MAN2A1: variants seen among roughly 807,000 people sequenced by gnomAD.
MAN2A1 encodes the protein mannosidase alpha class 2A member 1, also known as alpha-mannosidase 2.
Under a neutral mutation model 142.6 loss-of-function variants are expected in MAN2A1, and 76 were observed. The ratio of observed to expected loss-of-function variants is 0.53; its 90% CI spans 0.44 to 0.65. MAN2A1 has a LOEUF of 0.65. Among genes scored for constraint, MAN2A1 ranks in the 30% least tolerant of loss-of-function variants. The pLI is 0.00. For missense variants in MAN2A1, 1,311 were observed against 1,365.1 expected (o/e 0.96, Z 0.62); for synonymous variants, 559 against 473.2 (o/e 1.18, Z -2.35).
Position 109,757,333 on chromosome 5 carries a change from A to C in MAN2A1, c.835+1877A>C, listed in dbSNP as rs140809966. The stretch of plus-strand genomic sequence containing the variant: ...TTTTATTGAAGTGTAATTTACATGC[A>C]GTGGAATATATAAATCTTAAATGTA... On this transcript the variant is annotated intron_variant, in intron 5 of 21. Transcript: ENST00000261483. Among the ~76,000 whole-genome samples the C allele has an allele frequency of 1.1e-4, 16 of 152,302 alleles. 1 individual carries two copies. The highest frequency in any genetic ancestry group is 3.6e-4 in the African/African-American group (15 of 41,568).
intron 1 of MAN2A1, among the ~76,000 whole-genome samples, chr5:109,704,930 C>T (rs1751088643): frequency 6.6e-6 from 1 of 152,122 alleles, no homozygotes; most frequent in Admixed American, 6.6e-5. Context: ...TCTGGCCACT[C>T]AAGTTTATAT....
At chr5:109,740,789 C>G (rs958170440) in intron 4 of MAN2A1, among the ~76,000 whole-genome samples, 1 of 152,164 alleles carries the variant, frequency 6.6e-6, no homozygotes, top group African/African-American at 2.4e-5. Flanking sequence ...CAGGTCAGTA[C>G]TTGAATTATT....
chr5:109,796,338 T>G (rs1753861018), intron 12 of MAN2A1, among the ~76,000 whole-genome samples: 1 of 152,220 alleles, frequency 6.6e-6, no homozygotes, highest in Non-Finnish European at 1.5e-5. Flanking sequence ...GGTTCCATAG[T>G]CAAAGGATTT....
chr5:109,760,330 T>C (rs1223397659), intron 5 of MAN2A1, among the ~76,000 whole-genome samples: 1 of 152,234 alleles, frequency 6.6e-6, no homozygotes, highest in Non-Finnish European at 1.5e-5. Context: ...TTTTTATGGC[T>C]GCATAATATT....
chr5:109,725,787 C>G (rs766235526), intron 3 of MAN2A1, among the ~76,000 whole-genome samples: 19 of 152,140 alleles, frequency 1.2e-4, no homozygotes, highest in Non-Finnish European at 2.4e-4. Context: ...CAACCTATGG[C>G]TGAGAGCTCA....
rs145989678 is a variant in MAN2A1 at position 109,708,509 on chromosome 5, GAC to G, written c.136-4975_136-4974del. Among the ~76,000 whole-genome samples the G allele has an allele frequency of 1.5e-3, 181 of 124,452 alleles. 2 individuals are homozygous for G. Among genetic ancestry groups the G allele is most frequent in the South Asian group, 2.2e-3 (7 of 3,172 alleles). 81.6% of individuals were successfully genotyped at this position (124,452 alleles called of 152,430 possible). A position where few individuals can be genotyped will look rare whatever the true frequency, so the allele number is the denominator to read the frequency against. ...TTCTCCAGAAAGACAGAACTGATAG[GAC>G]ACACACACACACACACACACACACA... is the stretch of plus-strand genomic sequence containing the variant. On this transcript the variant is annotated intron_variant, in intron 1 of 21. Transcript: ENST00000261483.
At chr5:109,852,635 CAG>C (rs1755513189) in intron 19 of MAN2A1, among the ~76,000 whole-genome samples, 1 of 152,138 alleles carries the variant, frequency 6.6e-6, no homozygotes, top group African/African-American at 2.4e-5. Context: ...AGACAGGCTG[CAG>C]AGAGAAAGCT....
At chr5:109,747,709 T>C (rs1431370142) in intron 4 of MAN2A1, among the ~76,000 whole-genome samples, 1 of 152,184 alleles carries the variant, frequency 6.6e-6, no homozygotes, top group Non-Finnish European at 1.5e-5. Context: ...CAAATTGTTT[T>C]AGAACAAGCA....
intron 3 of MAN2A1, among the ~76,000 whole-genome samples, chr5:109,719,023 A>C (rs1751531751): frequency 6.8e-6 from 1 of 147,660 alleles, no homozygotes; most frequent in Admixed American, 6.8e-5. Context: ...AATTTTATGT[A>C]CTAAAAACAG....
chr5:109,718,248 A>C (rs1288788712), intron 3 of MAN2A1, among the ~76,000 whole-genome samples: 1 of 152,160 alleles, frequency 6.6e-6, no homozygotes, highest in Non-Finnish European at 1.5e-5. Flanking sequence ...TATGAAGCCC[A>C]CTTCTTCCCT....
At chr5:109,786,613 G>T (rs1753601797) in intron 10 of MAN2A1, among the ~76,000 whole-genome samples, 1 of 152,066 alleles carries the variant, frequency 6.6e-6, no homozygotes, top group Non-Finnish European at 1.5e-5. Flanking sequence ...GTACTTCACA[G>T]TTCATTGAAA....
chr5:109,845,813 A>G, intron 17 of MAN2A1, 52 bp from the exon 18 acceptor site: 6 of 1,455,338 alleles, frequency 4.1e-6, no homozygotes, highest in Non-Finnish European at 5.5e-6. Context: ...AAGTTTTTAA[A>G]AGAACATATG....
At chr5:109,816,010 T>C (rs1214074429) in intron 12 of MAN2A1, among the ~76,000 whole-genome samples, 1 of 152,224 alleles carries the variant, frequency 6.6e-6, no homozygotes, top group Non-Finnish European at 1.5e-5. Flanking sequence ...TTATAAATTA[T>C]AAAATCATAA....
intron 1 of MAN2A1, among the ~76,000 whole-genome samples, chr5:109,708,535 CACACACACACAT>C (rs1339719975): frequency 6.6e-6 from 1 of 151,492 alleles, no homozygotes; most frequent in Admixed American, 6.6e-5. Flanking sequence ...CACACACACA[CACACACACACAT>C]GAGAAGGGAG....
intron 8 of MAN2A1, 133 bp from the exon 9 acceptor site, chr5:109,781,263 A>G (rs951813531): frequency 3.7e-6 from 2 of 534,486 alleles, no homozygotes. Flanking sequence ...TGATTTTTAT[A>G]AAATCTGAGC....
chr5:109,720,621 A>G (rs1180081420), intron 3 of MAN2A1, among the ~76,000 whole-genome samples: 2 of 152,150 alleles, frequency 1.3e-5, no homozygotes, highest in Non-Finnish European at 2.9e-5. Context: ...GCCACATTGG[A>G]AGAAAAATTG....
chr5:109,781,570 A>G lies in MAN2A1; in HGVS notation c.1549A>G (p.Met517Val). The G allele has an allele frequency of 6.2e-7, 1 of 1,606,554 alleles. No individual in the cohort carries two copies. The highest frequency in any genetic ancestry group is 8.5e-7 in the Non-Finnish European group (1 of 1,177,880). ...YFTSRPFYKR[M>V]DRIMESHLRA... ...TACATCCAGACCCTTTTACAAACGA[A>G]TGGACAGAATCATGGAATCTCATTT... The change falls in exon 9 of 22, where the codon ATG becomes GTG. Residue 517 changes from methionine to valine, a missense_variant. By Grantham distance (21) the Met-to-Val change is conservative. Transcript: ENST00000261483.
chr5:109,860,552 C>G (rs372013396), intron 20 of MAN2A1, among the ~76,000 whole-genome samples: 1 of 152,144 alleles, frequency 6.6e-6, no homozygotes, highest in African/African-American at 2.4e-5. Flanking sequence ...AGAATTTGGC[C>G]AAAGTTATGG....
intron 16 of MAN2A1, among the ~76,000 whole-genome samples, chr5:109,827,152 G>A (rs527361957): frequency 1.3e-5 from 2 of 152,254 alleles, no homozygotes; most frequent in East Asian, 3.9e-4. Flanking sequence ...AAGAAATGAG[G>A]GTTTGGGGAG....
Sources: gnomAD v4.1 joint callset for allele counts (sites outside exome capture counted in the v4.1 genomes callset) on GRCh38, gnomAD v4.1.1 for gene constraint, MANE v1.5 for transcripts, NCBI Gene and HGNC (gene_info 2026-07-23, HGNC 2026-07-21) for gene names.